Variants in CTNNA2 observed in about 807,000 individuals in gnomAD.
CTNNA2 encodes the protein catenin alpha-2.
A neutral mutation model predicts 101.0 loss-of-function variants in CTNNA2; 42 were observed. The observed-to-expected ratio is 0.42, with a 90% CI of 0.32 to 0.54. The LOEUF (loss-of-function observed/expected upper bound fraction) is 0.54. Ranked by LOEUF, CTNNA2 falls within the 20% of genes least tolerant of loss-of-function variation. The probability of loss-of-function intolerance (pLI) is 0.14; values close to 1 mark genes in which losing one functional copy is unlikely to be tolerated. For synonymous variants in CTNNA2, 450 were observed against 456.4 expected, an observed-to-expected ratio of 0.99 and a Z score of 0.18; for missense variants, 871 against 1,223.1, an observed-to-expected ratio of 0.71 and a Z score of 4.29.
intron 7 of CTNNA2, among the ~76,000 whole-genome samples, chr2:80,002,402 C>A (rs1260680585): frequency 6.6e-6 from 1 of 152,134 alleles, no homozygotes; most frequent in African/African-American, 2.4e-5. Context: ...AGAAGTACAT[C>A]AAAATGAGTT....
At position 80,589,112 on chromosome 2, in the gene CTNNA2, G is replaced by A. The variant is rs1426106237; in HGVS notation, c.2008-192G>A. On this transcript the variant is annotated intron_variant, in intron 14 of 18. Coordinates refer to ENST00000402739, the MANE Select transcript of CTNNA2 (RefSeq NM_001282597.3). ...TATTTTTCATATATGGGAGTGGGAC[G>A]GGGACTTTGGGGAGCTTATCAGCCT... 3.3e-5 allele frequency among the ~76,000 whole-genome samples: 5 copies of A among 152,232 alleles called. No individual in the cohort carries two copies. In the East Asian group the frequency reaches 7.8e-4, roughly 24 times the overall value.
chr2:79,755,963 C>A (rs979267387), intron 3 of CTNNA2, among the ~76,000 whole-genome samples: 2 of 151,524 alleles, frequency 1.3e-5, no homozygotes, highest in African/African-American at 4.8e-5. Context: ...CCTTAGGATT[C>A]ATCTTAATGC....
At chr2:79,823,517 CA>C (rs1048713192) in intron 3 of CTNNA2, among the ~76,000 whole-genome samples, 3 of 150,862 alleles carry the variant, frequency 2.0e-5, no homozygotes, top group Middle Eastern at 3.4e-3. Flanking sequence ...GACCCCATCT[CA>C]AAAAAAAGAA....
intron 4 of CTNNA2, among the ~76,000 whole-genome samples, chr2:79,496,426 A>G (rs920548909): frequency 6.6e-6 from 1 of 152,164 alleles, no homozygotes; most frequent in Non-Finnish European, 1.5e-5. Context: ...TCAAAATTGT[A>G]AAGTTGAAAA....
chr2:79,345,928 G>A (rs1677253360), intron 3 of CTNNA2, among the ~76,000 whole-genome samples: 1 of 148,464 alleles, frequency 6.7e-6, no homozygotes, highest in African/African-American at 2.5e-5. Context: ...TCGAACTCCT[G>A]AGCTCAGGCA....
chr2:80,647,801 C>T lies in CTNNA2; in HGVS notation c.2791C>T (p.Arg931Ter), dbSNP rs1316969292. 1.9e-6 allele frequency: 3 copies of T among 1,613,446 alleles called. No individual in the cohort carries two copies. The highest frequency in any genetic ancestry group is 2.5e-6 in the Non-Finnish European group (3 of 1,179,608). Residue 931 changes from arginine to a stop codon, truncating the protein, a stop_gained, in exon 19 of 19, where the codon CGA (arginine) becomes TGA (stop). Coordinates refer to ENST00000402739, the MANE Select transcript of CTNNA2 (RefSeq NM_001282597.3). LOFTEE classifies it high-confidence loss of function. ...KPEEFQTRVRRGSQKKHISPV... is the reference protein window; with the variant it reads ...KPEEFQTRVR ...TGAAGAATTCCAGACACGAGTTCGA[C>T]GAGGTTCTCAGAAGAAACACATTTC...
rs147829938 is a variant in CTNNA2 at position 79,714,091 on chromosome 2, C to G, written c.103-30296C>G. Among the ~76,000 whole-genome samples, 162 of 152,222 alleles carry G rather than the reference C, an allele frequency of 1.1e-3. 1 individual carries two copies. The highest frequency in any genetic ancestry group is 3.4e-3 in the African/African-American group (140 of 41,560). ...GCCTTTGTGTATGGCACAACCTGCT[C>G]TACTCTAGCATACAGCCTTGCCTTT... On this transcript the variant is annotated intron_variant, in intron 2 of 18. Transcript: ENST00000402739.
chr2:80,223,038 G>A (rs1368093705), intron 7 of CTNNA2, among the ~76,000 whole-genome samples: 1 of 152,106 alleles, frequency 6.6e-6, no homozygotes, highest in Admixed American at 6.5e-5. Context: ...TACTCATGCA[G>A]CTCTCCATAA....
chr2:79,560,521 A>C (rs183276151), intron 1 of CTNNA2, among the ~76,000 whole-genome samples: 1 of 152,070 alleles, frequency 6.6e-6, no homozygotes, highest in African/African-American at 2.4e-5. Flanking sequence ...AAGAATAGGA[A>C]AAACAATAGG....
At chr2:79,750,858 T>G (rs1328667019) in intron 3 of CTNNA2, among the ~76,000 whole-genome samples, 4 of 145,952 alleles carry the variant, frequency 2.7e-5, no homozygotes, top group Non-Finnish European at 5.9e-5. Flanking sequence ...GATGACAGAG[T>G]GAGACTCTGT....
chr2:80,123,043 A>G (rs1701930033), intron 7 of CTNNA2, among the ~76,000 whole-genome samples: 1 of 151,948 alleles, frequency 6.6e-6, no homozygotes, highest in Non-Finnish European at 1.5e-5. Flanking sequence ...GGGTCCCACC[A>G]CCTCCTTTCC....
chr2:79,185,413 A>AG (rs1277977876), exon 1 of CTNNA2: 4 of 135,116 alleles, frequency 3.0e-5, no homozygotes, highest in Admixed American at 1.5e-4. Context: ...TACCAAGAAC[A>AG]GAAAAAAAAA....
chr2:80,545,803 C>T (rs1247756108), intron 10 of CTNNA2, 104 bp from the exon 11 acceptor site: 16 of 1,103,930 alleles, frequency 1.4e-5, no homozygotes, highest in East Asian at 5.1e-5. Context: ...ACCCACTTAT[C>T]TGTAGAACGT....
At chr2:79,855,712 G>T (rs920287472) in intron 3 of CTNNA2, among the ~76,000 whole-genome samples, 1 of 107,094 alleles carries the variant, frequency 9.3e-6, no homozygotes, top group Admixed American at 1.0e-4. Context: ...GCAGGAACTG[G>T]GATCAACCAT....
chr2:79,603,834 G>A (rs1324880156), intron 1 of CTNNA2, among the ~76,000 whole-genome samples: 4 of 152,138 alleles, frequency 2.6e-5, no homozygotes, highest in Admixed American at 2.0e-4. Context: ...GCTATAGTAT[G>A]TACATACCCC....
intron 7 of CTNNA2, among the ~76,000 whole-genome samples, chr2:80,069,396 T>C (rs1698183103): frequency 6.6e-6 from 1 of 152,210 alleles, no homozygotes; most frequent in Non-Finnish European, 1.5e-5. Flanking sequence ...ATCACAAATC[T>C]ACCGCTTGTC....
At chr2:80,572,651 A>G (rs1694700017) in intron 12 of CTNNA2, 1 of 152,078 alleles carries the variant, frequency 6.6e-6, no homozygotes, top group South Asian at 2.1e-4. Flanking sequence ...TATTCCCAAC[A>G]CGAATAACTC....
chr2:79,292,774 T>A (rs1358208653), intron 2 of CTNNA2, among the ~76,000 whole-genome samples: 1 of 152,228 alleles, frequency 6.6e-6, no homozygotes, highest in African/African-American at 2.4e-5. Context: ...CTGGCTTCAG[T>A]GCAAGAATTT....
chr2:80,452,791 T>G (rs1193704316), intron 9 of CTNNA2, among the ~76,000 whole-genome samples: 6 of 151,544 alleles, frequency 4.0e-5, no homozygotes, highest in Admixed American at 3.9e-4. Flanking sequence ...ATGCTGAAAT[T>G]AATGAACCTT....
Sources: gnomAD v4.1 joint callset for allele counts (sites outside exome capture counted in the v4.1 genomes callset) on GRCh38, gnomAD v4.1.1 for gene constraint, MANE v1.5 for transcripts, NCBI Gene and HGNC (gene_info 2026-07-23, HGNC 2026-07-21) for gene names.